CCDC170: variants seen among roughly 807,000 people sequenced by gnomAD.
CCDC170 encodes coiled-coil domain-containing protein 170.
In CCDC170, 69 loss-of-function variants were observed where a neutral mutation model predicts 72.6. The ratio of observed to expected loss-of-function variants is 0.95; its 90% CI spans 0.78 to 1.16. The LOEUF (loss-of-function observed/expected upper bound fraction) is 1.16. Ranked by LOEUF, CCDC170 falls within the 50% of genes most tolerant of loss-of-function variation. The probability of loss-of-function intolerance (pLI) is 0.00; values close to 1 mark genes in which losing one functional copy is unlikely to be tolerated. For synonymous variants in CCDC170, 300 were observed against 303.9 expected, an observed-to-expected ratio of 0.99 and a Z score of 0.13; for missense variants, 852 against 832.5, an observed-to-expected ratio of 1.02 and a Z score of -0.29.
intron 9 of CCDC170, among the ~76,000 whole-genome samples, chr6:151,604,036 A>G (rs1453740053): frequency 6.6e-6 from 1 of 152,236 alleles, no homozygotes; most frequent in Non-Finnish European, 1.5e-5. Context: ...GTAAGGAGCT[A>G]TGGCCGAAGA....
chr6:151,510,204 C>G (rs1782128871), intron 1 of CCDC170, among the ~76,000 whole-genome samples: 1 of 152,290 alleles, frequency 6.6e-6, no homozygotes, highest in Non-Finnish European at 1.5e-5. Context: ...GTCAGAAAGT[C>G]TTGGTTTGAA....
chr6:151,547,740 C>G (rs986373671), intron 4 of CCDC170, among the ~76,000 whole-genome samples: 4 of 152,186 alleles, frequency 2.6e-5, no homozygotes, highest in African/African-American at 9.6e-5. Flanking sequence ...TTATTTTCCC[C>G]TTGTAAATCT....
intron 6 of CCDC170, among the ~76,000 whole-genome samples, chr6:151,576,704 T>C (rs1776308318): frequency 6.6e-6 from 1 of 152,186 alleles, no homozygotes; most frequent in Admixed American, 6.5e-5. Context: ...AGCTGGTGTC[T>C]TGTGTGACTC....
chr6:151,499,980 T>A (rs961689427), intron 1 of CCDC170, among the ~76,000 whole-genome samples: 1 of 152,190 alleles, frequency 6.6e-6, no homozygotes. Context: ...AATTGCTGGA[T>A]CCTATGGTAA....
At chr6:151,575,874 T>C (rs537929583) in intron 6 of CCDC170, among the ~76,000 whole-genome samples, 1 of 152,288 alleles carries the variant, frequency 6.6e-6, no homozygotes, top group African/African-American at 2.4e-5. Flanking sequence ...TGTGGAGTGC[T>C]CATTGGCTGT....
At position 151,618,191 on chromosome 6, in the gene CCDC170, A is replaced by G. The variant is rs1436040860; in HGVS notation, c.*44A>G. The G allele has an allele frequency of 6.7e-7, 1 of 1,503,372 alleles. No homozygotes were observed. The highest frequency in any genetic ancestry group is 9.2e-7 in the Non-Finnish European group (1 of 1,089,058). 93.1% of individuals were successfully genotyped at this position (1,503,372 alleles called of 1,614,324 possible). A position where few individuals can be genotyped will look rare whatever the true frequency, so the allele number is the denominator to read the frequency against. On this transcript the variant is annotated 3_prime_UTR_variant, in exon 11 of 11. Transcript: ENST00000239374. ...GAGGTGGCCATAAGACATGGCACAC[A>G]ATTCCCAATTTCACAAATTCCTCAT... is the stretch of plus-strand genomic sequence containing the variant.
intron 1 of CCDC170, among the ~76,000 whole-genome samples, chr6:151,524,993 T>C (rs548313350): frequency 1.4e-3 from 198 of 145,160 alleles, no homozygotes; most frequent in Non-Finnish European, 1.8e-3. Context: ...AGTGCAGTGG[T>C]GCAATCTCGG....
intron 9 of CCDC170, among the ~76,000 whole-genome samples, chr6:151,600,034 G>A (rs1458310982): frequency 6.6e-6 from 1 of 152,136 alleles, no homozygotes; most frequent in Non-Finnish European, 1.5e-5. Flanking sequence ...AGAATTACTC[G>A]GGCCCCTACA....
At chr6:151,525,543 A>G (rs1782391527) in intron 1 of CCDC170, among the ~76,000 whole-genome samples, 4 of 152,096 alleles carry the variant, frequency 2.6e-5, no homozygotes, top group African/African-American at 9.7e-5. Flanking sequence ...ACTTTGTAAT[A>G]TTCTCCCCAC....
chr6:151,548,762 C>T (rs1166534119), intron 5 of CCDC170, among the ~76,000 whole-genome samples: 1 of 151,990 alleles, frequency 6.6e-6, no homozygotes, highest in African/African-American at 2.4e-5. Context: ...CTCTGTCACC[C>T]AGACTGGAGT....
At chr6:151,558,875 A>G (rs1384955968) in intron 5 of CCDC170, among the ~76,000 whole-genome samples, 1 of 152,046 alleles carries the variant, frequency 6.6e-6, no homozygotes, top group Admixed American at 6.6e-5. Context: ...TTGGCTACTT[A>G]AGGTCTTTTG....
At chr6:151,554,873 T>G (rs77373497) in intron 5 of CCDC170, among the ~76,000 whole-genome samples, 2,669 of 71,854 alleles carry the variant, frequency 0.037, 88 homozygotes, top group African/African-American at 0.15. Context: ...TGGACCTCAG[T>G]TTTTTTTTTT....
intron 1 of CCDC170, among the ~76,000 whole-genome samples, chr6:151,523,547 G>A (rs990595977): frequency 4.0e-5 from 6 of 151,732 alleles, no homozygotes; most frequent in South Asian, 2.1e-4. Flanking sequence ...TTAGCCAGGC[G>A]TGATGGTGCA....
At chr6:151,611,942 C>T (rs1388706055) in intron 9 of CCDC170, among the ~76,000 whole-genome samples, 2 of 152,106 alleles carry the variant, frequency 1.3e-5, no homozygotes, top group Non-Finnish European at 2.9e-5. Flanking sequence ...AACTCCTGAC[C>T]TCGTGATCCA....
chr6:151,553,100 T>A (rs77817947), intron 5 of CCDC170, among the ~76,000 whole-genome samples: 7,878 of 152,228 alleles, frequency 0.052, 299 homozygotes, highest in East Asian at 0.21. Context: ...CAGCCAATTC[T>A]TTAAAGAGCT....
At chr6:151,608,727 G>A (rs1457001669) in intron 9 of CCDC170, among the ~76,000 whole-genome samples, 1 of 152,204 alleles carries the variant, frequency 6.6e-6, no homozygotes, top group African/African-American at 2.4e-5. Context: ...CCCACCACTG[G>A]AAGTGGGGTC....
chr6:151,591,533 C>T (rs144764362), intron 7 of CCDC170, among the ~76,000 whole-genome samples: 2,632 of 151,504 alleles, frequency 0.017, 82 homozygotes, highest in African/African-American at 0.06. Flanking sequence ...CTTGCTCTGT[C>T]GCCCAGGCTG....
intron 9 of CCDC170, among the ~76,000 whole-genome samples, chr6:151,602,088 A>T (rs772405892): frequency 6.6e-6 from 1 of 152,192 alleles, no homozygotes; most frequent in African/African-American, 2.4e-5. Flanking sequence ...TTTCAAAACC[A>T]TGATTGAAGA....
intron 7 of CCDC170, among the ~76,000 whole-genome samples, chr6:151,591,958 CCGGCTAAGTTGCCAGTGACA>C (rs1443043039): frequency 0.017 from 2,496 of 148,972 alleles, 71 homozygotes; most frequent in African/African-American, 0.061. Flanking sequence ...CCAGTGACAA[CCGGCTAAGTTGCCAGTGACA>C]ACCTTTGAGG....
Sources: gnomAD v4.1 joint callset for allele counts (sites outside exome capture counted in the v4.1 genomes callset) on GRCh38, gnomAD v4.1.1 for gene constraint, MANE v1.5 for transcripts, NCBI Gene and HGNC (gene_info 2026-07-23, HGNC 2026-07-21) for gene names.